VIM: variants seen among roughly 807,000 people sequenced by gnomAD.
The protein encoded by VIM is vimentin, also known as epididymis secretory sperm binding protein.
VIM carries 18 observed loss-of-function variants against 50.3 expected under a neutral mutation model. The observed-to-expected ratio is 0.36, with a 90% CI of 0.25 to 0.53. The LOEUF is 0.53. VIM is among the 20% of genes least tolerant of loss of function. VIM has a pLI of 0.91. For missense variants in VIM, 551 were observed against 614.7 expected, an observed-to-expected ratio of 0.90 and a Z score of 1.10; for synonymous variants, 245 against 248.5, an observed-to-expected ratio of 0.99 and a Z score of 0.13.
In VIM at chr10:17,237,291, C is replaced by A. The variant is rs767629215; in HGVS notation, c.*20C>A. ...GAATAAAAATTGCACACACTCAGTG[C>A]AGCAATATATTACCAGCAAGAATAA... On this transcript the variant is annotated 3_prime_UTR_variant, in exon 10 of 10. Coordinates refer to ENST00000544301, the MANE Select transcript of VIM (RefSeq NM_003380.5). 16 of 1,602,152 alleles carry A rather than the reference C, an allele frequency of 1.0e-5. No individual in the cohort carries two copies. Among genetic ancestry groups the A allele is most frequent in the Admixed American group, 5.1e-5 (3 of 59,348 alleles).
intron 1 of VIM, 131 bp from the exon 2 acceptor site, chr10:17,229,145 C>CG: frequency 6.7e-6 from 1 of 149,546 alleles, no homozygotes. Context: ...GGCGCCCCCA[C>CG]CCCACCCGCC....
At chr10:17,232,594 G>A (rs1846816655) in intron 3 of VIM, among the ~76,000 whole-genome samples, 1 of 152,194 alleles carries the variant, frequency 6.6e-6, no homozygotes, top group Non-Finnish European at 1.5e-5. Flanking sequence ...ATCCACCAGA[G>A]AAAGCCAAGC....
intron 6 of VIM, 25 bp downstream of exon 6, chr10:17,234,843 G>C: frequency 6.2e-7 from 1 of 1,614,036 alleles, no homozygotes; most frequent in Admixed American, 1.7e-5. Context: ...TGCAGTAAAA[G>C]AGGGAAAATA....
intron 3 of VIM, among the ~76,000 whole-genome samples, chr10:17,233,004 G>A (rs1211597142): frequency 6.6e-6 from 1 of 152,234 alleles, no homozygotes; most frequent in African/African-American, 2.4e-5. Flanking sequence ...CTGGAGTGCA[G>A]TGGCACTATG....
intron 2 of VIM, 72 bp from the exon 3 acceptor site, chr10:17,230,578 G>T: frequency 6.6e-7 from 1 of 1,523,886 alleles, no homozygotes; most frequent in Admixed American, 1.7e-5. Flanking sequence ...GCGAATACGT[G>T]GTGTTTGGGT....
chr10:17,235,149 A>T lies in VIM; in HGVS notation c.1009-20A>T, dbSNP rs199918640. 2.2e-5 allele frequency: 35 copies of T among 1,613,276 alleles called. No individual in the cohort carries two copies. The East Asian group carries it at 7.4e-4, about 34-fold the overall frequency. On this transcript the variant is annotated intron_variant, in intron 6 of 9. Transcript: ENST00000544301. ...GTTTTTCTGAGAAATAACACCAGAC[A>T]TCTTTCTCACCCCCTGCAGAATGAG...
chr10:17,234,276 G>A (rs187389316), intron 5 of VIM, among the ~76,000 whole-genome samples: 19 of 152,118 alleles, frequency 1.2e-4, no homozygotes, highest in African/African-American at 4.3e-4. Context: ...CACCATGCCC[G>A]GCTAATTTTT....
Position 17,234,753 on chromosome 10 carries a change from G to A in VIM, c.943G>A (p.Glu315Lys), listed in dbSNP as rs769012996. Residue 315 changes from glutamate to lysine, a missense_variant, in exon 6 of 10, where the codon GAG becomes AAG. Coordinates refer to ENST00000544301, the MANE Select transcript of VIM (RefSeq NM_003380.5). ...TGACGCCCTGCGCCAGGCAAAGCAG[G>A]AGTCCACTGAGTACCGGAGACAGGT... is the stretch of plus-strand genomic sequence containing the variant. ...NNDALRQAKQ[E>K]STEYRRQVQS... The A allele has an allele frequency of 6.2e-7, 1 of 1,614,158 alleles. No homozygotes were observed. The highest frequency in any genetic ancestry group is 1.7e-5 in the Admixed American group (1 of 60,020).
chr10:17,229,439 TG>T lies in VIM; in HGVS notation c.18del (p.Ser7ProfsTer25). 6.2e-7 allele frequency: 1 copy of T among 1,606,006 alleles called. No homozygotes were observed. The highest frequency in any genetic ancestry group is 2.2e-5 in the East Asian group (1 of 44,688). The part of the protein sequence containing the change: MSTRS[V>X]SSSSYRRMFG... ...TCCGCAGCCATGTCCACCAGGTCCG[TG>T]TCCTCGTCCTCCTACCGCAGGATGT... On this transcript the variant is annotated frameshift_variant, in exon 2 of 10. Transcript: ENST00000544301. LOFTEE classifies it high-confidence loss of function.
chr10:17,236,427 A>T (rs1276032365), intron 9 of VIM, 48 bp downstream of exon 9: 1 of 1,439,252 alleles, frequency 6.9e-7, no homozygotes, highest in Non-Finnish European at 9.8e-7. Context: ...ACAGGAGTTG[A>T]TATATTTTAA....
intron 2 of VIM, 62 bp downstream of exon 2, chr10:17,230,047 C>T: frequency 6.7e-7 from 1 of 1,495,420 alleles, no homozygotes; most frequent in Non-Finnish European, 8.9e-7. Context: ...GAGGGGAACG[C>T]CCCCCCGGCC....
chr10:17,232,554 A>T (rs563204408), intron 3 of VIM, among the ~76,000 whole-genome samples: 5 of 152,256 alleles, frequency 3.3e-5, no homozygotes, highest in African/African-American at 1.2e-4. Flanking sequence ...ATGCCTTTAC[A>T]GGATGAGTCA....
chr10:17,235,692 C>T (rs1846875077), intron 7 of VIM, 154 bp from the exon 8 acceptor site: 4 of 796,776 alleles, frequency 5.0e-6, no homozygotes, highest in Non-Finnish European at 8.5e-6. Flanking sequence ...CTAACAAGAC[C>T]AGTCATGGGA....
intron 2 of VIM, 80 bp from the exon 3 acceptor site, chr10:17,230,570 G>T (rs1222103168): frequency 1.3e-6 from 2 of 1,491,358 alleles, no homozygotes; most frequent in South Asian, 2.3e-5. Context: ...GGCGCAGAGC[G>T]AATACGTGGT....
chr10:17,235,807 T>A (rs1430919438), intron 7 of VIM, 39 bp from the exon 8 acceptor site: 1 of 1,599,762 alleles, frequency 6.3e-7, no homozygotes, highest in East Asian at 2.2e-5. Context: ...TTGAAGTTAT[T>A]TGCCAACAAT....
Position 17,233,514 on chromosome 10 carries a change from C to T in VIM, c.625-73C>T. 2.0e-6 allele frequency: 3 copies of T among 1,477,528 alleles called. No homozygotes were observed. The East Asian group carries it at 6.9e-5, about 34-fold the overall frequency. The allele number at this position is 1,477,528 out of a possible 1,614,324, so 91.5% of individuals were successfully genotyped here. ...AGGAGACTAGGTTCAGATGGTTAAT[C>T]TAAGACAAATAAATGAGATAAGCCA... is the stretch of plus-strand genomic sequence containing the variant. On this transcript the variant is annotated intron_variant, in intron 3 of 9. Coordinates refer to ENST00000544301, the MANE Select transcript of VIM (RefSeq NM_003380.5).
Position 17,229,704 on chromosome 10 carries a change from C to T in VIM, c.282C>T (p.Thr94=), listed in dbSNP as rs144539901. Residue 94 remains threonine (T), a synonymous_variant, in exon 2 of 10, where the codon ACC becomes ACT. Transcript: ENST00000544301. ...VDFSLADAIN[T]EFKNTRTNEK... ...TCTCGCTGGCCGACGCCATCAACAC[C>T]GAGTTCAAGAACACCCGCACCAACG... The T allele has an allele frequency of 2.0e-4, 309 of 1,571,736 alleles. 1 individual carries two copies. In the African/African-American group the frequency reaches 3.7e-3, roughly 19 times the overall value.
chr10:17,230,954 G>A, intron 3 of VIM: 1 of 463,512 alleles, frequency 2.2e-6, no homozygotes, highest in Non-Finnish European at 3.9e-6. Flanking sequence ...CCAGGCTGGA[G>A]TGCAGTGGCG....
intron 1 of VIM, chr10:17,228,790 C>G (rs1846725118): frequency 6.5e-6 from 1 of 154,108 alleles, no homozygotes; most frequent in East Asian, 1.9e-4. Flanking sequence ...CGCCCCCACC[C>G]CGCGTTCCAA....
Sources: allele counts gnomAD v4.1 joint callset (sites outside exome capture counted in the v4.1 genomes callset), GRCh38; gene constraint gnomAD v4.1.1; transcripts MANE v1.5; gene names NCBI Gene and HGNC (gene_info 2026-07-23, HGNC 2026-07-21).